The following MCF2L variants were observed in gnomAD, a reference collection of about 807,000 sequenced individuals.
MCF2L encodes the protein MCF.2 cell line derived transforming sequence like, also known as guanine nucleotide exchange factor DBS.
A neutral mutation model predicts 153.4 loss-of-function variants in MCF2L; 97 were observed. The ratio of observed to expected loss-of-function variants is 0.63; its 90% CI spans 0.54 to 0.75. The LOEUF is 0.75. Among genes scored for constraint, MCF2L ranks in the 30% least tolerant of loss-of-function variants. The pLI is 0.00. For missense variants in MCF2L, 1,347 were observed against 1,495.2 expected (o/e 0.90, Z 1.64); for synonymous variants, 659 against 632.2 (o/e 1.04, Z -0.64).
rs2081572671 is a variant in MCF2L at position 112,941,282 on chromosome 13, G to A, written c.169+38911G>A. On this transcript the variant is annotated intron_variant, in intron 2 of 29. Coordinates refer to the MCF2L transcript ENST00000375608. The surrounding 1 kb of genome is among the most constrained non-coding windows in gnomAD (Gnocchi z 4.9). The stretch of plus-strand genomic sequence containing the variant: ...GGTACAGGTCTGTGTGGTGTGTGTG[G>A]TGGCACTCTGGAAGCCCATAAGCCA... Among the ~76,000 whole-genome samples the A allele has an allele frequency of 1.3e-5, 2 of 150,640 alleles. No individual in the cohort carries two copies. The highest frequency in any genetic ancestry group is 4.2e-4 in the South Asian group (2 of 4,776).
chr13:113,096,604 G>C lies in MCF2L; in HGVS notation c.3243G>C (p.Leu1081=). 1 of 1,602,552 alleles carries C rather than the reference G, an allele frequency of 6.2e-7. No homozygotes were observed. Among genetic ancestry groups the C allele is most frequent in the Non-Finnish European group, 8.5e-7 (1 of 1,178,274 alleles). ...AGGGCTGGGTGCCGGCCAGCAGCCT[G>C]TCCGTCCGGCTCGGCCCGTCCGGCT... The part of the protein sequence containing the change: ...GKEGWVPASS[L]SVRLGPSGSA... The change falls in exon 29 of 30, where the codon CTG becomes CTC. Residue 1081 remains leucine (L), a synonymous_variant. Coordinates refer to ENST00000535094, the MANE Select transcript of MCF2L (RefSeq NM_001112732.3).
chr13:112,927,167 C>T (rs2081416532), intron 2 of MCF2L, among the ~76,000 whole-genome samples: 1 of 152,224 alleles, frequency 6.6e-6, no homozygotes, highest in Admixed American at 6.5e-5. Flanking sequence ...CGGCAAATGG[C>T]ATGACCTCAT....
intron 26 of MCF2L, among the ~76,000 whole-genome samples, chr13:113,091,421 G>A (rs1052619244): frequency 1.3e-5 from 2 of 152,228 alleles, no homozygotes; most frequent in Non-Finnish European, 2.9e-5. Flanking sequence ...TCTGGAGCCT[G>A]CGGAACTGCC....
chr13:113,006,450 G>A (rs989194187), intron 1 of MCF2L, among the ~76,000 whole-genome samples: 1 of 152,200 alleles, frequency 6.6e-6, no homozygotes, highest in Admixed American at 6.5e-5. Flanking sequence ...GGGAGCACAG[G>A]GTGGTCCTCA....
At chr13:113,021,033 C>T (rs148578408) in intron 2 of MCF2L, among the ~76,000 whole-genome samples, 4 of 141,592 alleles carry the variant, frequency 2.8e-5, no homozygotes, top group African/African-American at 5.2e-5. Context: ...TGTGTATGTG[C>T]GTGTAGCTGT....
At chr13:112,965,800 G>A (rs1364498386), upstream of MCF2L, 1 of 152,186 alleles carries the variant, frequency 6.6e-6, no homozygotes, top group African/African-American at 2.4e-5. Context: ...TTTACCTTCA[G>A]CCTCCCTCCT....
upstream of MCF2L, among the ~76,000 whole-genome samples, chr13:112,967,275 A>T (rs1003375169): frequency 2.0e-5 from 3 of 152,114 alleles, no homozygotes; most frequent in Non-Finnish European, 2.9e-5. Context: ...TTTGCAGACC[A>T]TGTGTAGACA....
chr13:112,901,264 G>A (rs934782286), intron 1 of MCF2L, among the ~76,000 whole-genome samples: 2 of 152,078 alleles, frequency 1.3e-5, no homozygotes, highest in Admixed American at 1.3e-4. Context: ...AGTGATTCTC[G>A]TCCCTCAGCC....
At chr13:112,895,520 A>G (rs1261266145) in intron 1 of MCF2L, among the ~76,000 whole-genome samples, 1 of 152,116 alleles carries the variant, frequency 6.6e-6, no homozygotes, top group Non-Finnish European at 1.5e-5. Context: ...AGGAGCCTCT[A>G]GCCCCCAGGA....
intron 1 of MCF2L, among the ~76,000 whole-genome samples, chr13:113,002,709 G>C (rs1397834889): frequency 6.6e-6 from 1 of 152,202 alleles, no homozygotes; most frequent in Non-Finnish European, 1.5e-5. Flanking sequence ...GCTTTTCTAA[G>C]AATGGAGTAC....
chr13:113,031,862 C>T lies in MCF2L; in HGVS notation c.278+7104C>T, dbSNP rs537735251. On this transcript the variant is annotated intron_variant, in intron 3 of 29. Transcript: ENST00000535094. The surrounding 1 kb of genome is among the most constrained non-coding windows in gnomAD (Gnocchi z 5.5). The stretch of plus-strand genomic sequence containing the variant: ...ACACACGCACCTACACAGGCTTGCA[C>T]ATGCCACACACACACACACACACAC... Among the ~76,000 whole-genome samples, 57 of 90,556 alleles carry T rather than the reference C, an allele frequency of 6.3e-4. No individual in the cohort carries two copies. In the East Asian group the frequency reaches 0.023, roughly 37 times the overall value. 59.4% of individuals were successfully genotyped at this position (90,556 alleles called of 152,430 possible).
chr13:112,974,093 C>A (rs985685074), intron 1 of MCF2L, among the ~76,000 whole-genome samples: 2 of 152,168 alleles, frequency 1.3e-5, no homozygotes, highest in Non-Finnish European at 2.9e-5. Flanking sequence ...CCCGGCACTT[C>A]CTTATCTGGC....
chr13:112,913,156 T>C lies in MCF2L; in HGVS notation c.169+10785T>C, dbSNP rs2081252988. Among the ~76,000 whole-genome samples the C allele has an allele frequency of 1.4e-5, 2 of 147,624 alleles. 1 individual carries two copies. The highest frequency in any genetic ancestry group is 3.0e-5 in the Non-Finnish European group (2 of 66,896). ...TGTGTGTCTGTGGTGTATTTCTGTG[T>C]CTGTATGTATGGGGTGTGTCTGTGT... On this transcript the variant is annotated intron_variant, in intron 2 of 29. Transcript: ENST00000375608.
At chr13:112,956,959 C>T (rs1388933935) in intron 2 of MCF2L, 2 of 152,212 alleles carry the variant, frequency 1.3e-5, no homozygotes, top group African/African-American at 4.8e-5. Flanking sequence ...ACATTCTGCC[C>T]ATTGGTGCAT....
chr13:113,016,240 G>T (rs1433812409), intron 2 of MCF2L, among the ~76,000 whole-genome samples: 1 of 152,214 alleles, frequency 6.6e-6, no homozygotes, highest in Non-Finnish European at 1.5e-5. Context: ...GCCCTTAGAA[G>T]AGATGGGGCT....
intron 4 of MCF2L, among the ~76,000 whole-genome samples, chr13:113,050,959 G>A (rs972098657): frequency 6.6e-6 from 1 of 152,054 alleles, no homozygotes; most frequent in Non-Finnish European, 1.5e-5. Flanking sequence ...TGCCCCTCTC[G>A]GAAGAGGCGA....
At chr13:113,003,412 G>A (rs539929783) in intron 1 of MCF2L, among the ~76,000 whole-genome samples, 19 of 151,388 alleles carry the variant, frequency 1.3e-4, no homozygotes, top group South Asian at 2.1e-4. Flanking sequence ...GTGGAGCACC[G>A]TGGAAGGCTC....
intron 2 of MCF2L, among the ~76,000 whole-genome samples, chr13:112,963,236 G>T (rs2081854598): frequency 6.6e-6 from 1 of 152,194 alleles, no homozygotes; most frequent in Non-Finnish European, 1.5e-5. Context: ...CCAAACTGGG[G>T]CCCAGGCATG....
intron 7 of MCF2L, chr13:113,065,330 C>T: frequency 1.9e-6 from 1 of 531,596 alleles, no homozygotes; most frequent in Non-Finnish European, 3.3e-6. Context: ...CTGCGCCTGC[C>T]ATTCTGGCGT....
Sources: allele counts gnomAD v4.1 joint callset (sites outside exome capture counted in the v4.1 genomes callset), GRCh38; gene constraint gnomAD v4.1.1; non-coding constraint Gnocchi (gnomAD v3.1); transcripts MANE v1.5; gene names NCBI Gene and HGNC (gene_info 2026-07-23, HGNC 2026-07-21).